The following SLC9A9 variants were observed in gnomAD, a reference collection of about 807,000 sequenced individuals.
The protein encoded by SLC9A9 is solute carrier family 9 member A9.
A neutral mutation model predicts 77.8 loss-of-function variants in SLC9A9; 62 were observed. The ratio of observed to expected loss-of-function variants is 0.80; its 90% CI spans 0.65 to 0.98. The LOEUF is 0.98. Among genes scored for constraint, SLC9A9 ranks in the 50% least tolerant of loss-of-function variants. The pLI is 0.00. For missense variants in SLC9A9, 775 were observed against 774.9 expected (o/e 1.00, Z 0.00); for synonymous variants, 320 against 283.5 (o/e 1.13, Z -1.29).
intron 14 of SLC9A9, chr3:143,313,054 A>T (rs114383461): frequency 1.4e-3 from 208 of 152,388 alleles, no homozygotes; most frequent in Middle Eastern, 6.8e-3. Flanking sequence ...AGTTAAAAAA[A>T]ACTCAACAAA....
At chr3:143,370,939 A>G (rs1042514075) in intron 13 of SLC9A9, among the ~76,000 whole-genome samples, 1 of 152,026 alleles carries the variant, frequency 6.6e-6, no homozygotes, top group Admixed American at 6.5e-5. Flanking sequence ...TGCTGCCTGT[A>G]AGTCATTCTC....
In SLC9A9 at chr3:143,577,281, C is replaced by A. The variant is rs1254364264; in HGVS notation, c.894+1304G>T. On this transcript the variant is annotated intron_variant, in intron 7 of 15. Coordinates refer to ENST00000316549, the MANE Select transcript of SLC9A9 (RefSeq NM_173653.4). ...ATCCTCCATTTCTCACTAGCTGGAGCCCTCTGGTCCTCCCAGGCATGTCTT... is the reference window on the plus strand; with the variant it reads ...ATCCTCCATTTCTCACTAGCTGGAGACCTCTGGTCCTCCCAGGCATGTCTT... Among the ~76,000 whole-genome samples, 7 of 152,266 alleles carry A rather than the reference C, an allele frequency of 4.6e-5. No homozygotes were observed. In the East Asian group the frequency reaches 1.4e-3, roughly 29 times the overall value.
At chr3:143,677,323 T>G (rs1038428086) in intron 5 of SLC9A9, among the ~76,000 whole-genome samples, 1 of 152,236 alleles carries the variant, frequency 6.6e-6, no homozygotes, top group Non-Finnish European at 1.5e-5. Context: ...ATATACATTT[T>G]TGCATTTACT....
chr3:143,542,641 A>G (rs112256333), intron 9 of SLC9A9, among the ~76,000 whole-genome samples: 3,262 of 152,340 alleles, frequency 0.021, 46 homozygotes, highest in South Asian at 0.059. Flanking sequence ...AGATTACCCT[A>G]GACATTTGCC....
chr3:143,800,348 G>A (rs1168771394), intron 2 of SLC9A9, among the ~76,000 whole-genome samples: 1 of 152,070 alleles, frequency 6.6e-6, no homozygotes, highest in Non-Finnish European at 1.5e-5. Context: ...GCCTTTTAAA[G>A]CCTACAAATT....
chr3:143,827,784 T>C (rs376518179), intron 2 of SLC9A9, among the ~76,000 whole-genome samples: 195 of 152,340 alleles, frequency 1.3e-3, no homozygotes, highest in African/African-American at 4.6e-3. Context: ...AAAACCCATT[T>C]TCAAATCATG....
intron 4 of SLC9A9, among the ~76,000 whole-genome samples, chr3:143,715,867 G>A (rs1934330842): frequency 6.6e-6 from 1 of 152,148 alleles, no homozygotes; most frequent in Non-Finnish European, 1.5e-5. Context: ...TGTTTTGTAG[G>A]TCTCATTGTC....
At chr3:143,333,574 G>C (rs1395452266) in intron 14 of SLC9A9, among the ~76,000 whole-genome samples, 3 of 152,304 alleles carry the variant, frequency 2.0e-5, no homozygotes, top group Middle Eastern at 6.8e-3. Context: ...TGACCTGGGG[G>C]ATAGACCACG....
intron 6 of SLC9A9, among the ~76,000 whole-genome samples, chr3:143,621,651 C>A (rs549493963): frequency 1.3e-5 from 2 of 152,144 alleles, no homozygotes; most frequent in Admixed American, 6.5e-5. Flanking sequence ...TAGAGAAAAC[C>A]ACAAAGATGG....
chr3:143,585,127 G>A (rs979280174), intron 6 of SLC9A9, among the ~76,000 whole-genome samples: 2 of 152,158 alleles, frequency 1.3e-5, no homozygotes, highest in Non-Finnish European at 2.9e-5. Context: ...CTTCACAGCT[G>A]CCACAAGATC....
intron 8 of SLC9A9, among the ~76,000 whole-genome samples, chr3:143,561,723 TA>T (rs2037088899): frequency 6.6e-6 from 1 of 152,222 alleles, no homozygotes; most frequent in Non-Finnish European, 1.5e-5. Context: ...TGATGGATAT[TA>T]AAATGCTTTA....
intron 9 of SLC9A9, among the ~76,000 whole-genome samples, chr3:143,525,554 T>G (rs896460423): frequency 2.0e-5 from 3 of 152,214 alleles, no homozygotes; most frequent in African/African-American, 7.2e-5. Context: ...CTTCGCTCCA[T>G]GTGTCTCCTG....
chr3:143,585,442 C>T (rs1382738733), intron 6 of SLC9A9, among the ~76,000 whole-genome samples: 1 of 152,112 alleles, frequency 6.6e-6, no homozygotes, highest in Non-Finnish European at 1.5e-5. Flanking sequence ...ACTTGGAAGC[C>T]CCACTTCCAG....
At chr3:143,634,189 C>T (rs1394111483) in intron 6 of SLC9A9, among the ~76,000 whole-genome samples, 2 of 150,852 alleles carry the variant, frequency 1.3e-5, no homozygotes. Context: ...TTATCTTATG[C>T]TGTCGATGAT....
chr3:143,516,211 C>T (rs1024579651), intron 9 of SLC9A9, among the ~76,000 whole-genome samples: 8 of 151,788 alleles, frequency 5.3e-5, no homozygotes, highest in African/African-American at 1.7e-4. Flanking sequence ...TCCAGTCATG[C>T]TCTTCTCTTA....
chr3:143,456,279 G>A (rs2108560411), intron 12 of SLC9A9, among the ~76,000 whole-genome samples: 1 of 152,136 alleles, frequency 6.6e-6, no homozygotes, highest in East Asian at 1.9e-4. Flanking sequence ...GCCTTTTTAA[G>A]TATTGCTGGA....
chr3:143,333,862 T>C (rs939332896), intron 14 of SLC9A9, among the ~76,000 whole-genome samples: 6 of 152,140 alleles, frequency 3.9e-5, no homozygotes, highest in African/African-American at 7.2e-5. Flanking sequence ...CCTAGAACCT[T>C]GTCTTTCCAG....
intron 14 of SLC9A9, among the ~76,000 whole-genome samples, chr3:143,316,154 A>G (rs1306431897): frequency 1.3e-5 from 2 of 152,082 alleles, no homozygotes; most frequent in Non-Finnish European, 2.9e-5. Flanking sequence ...AGGCAGAAAC[A>G]TTTCCCACAT....
intron 2 of SLC9A9, among the ~76,000 whole-genome samples, chr3:143,824,683 C>A (rs1156697690): frequency 6.6e-6 from 1 of 152,128 alleles, no homozygotes; most frequent in Non-Finnish European, 1.5e-5. Context: ...GTGGCAAGTG[C>A]TCAATAAATA....
Sources: gnomAD v4.1 joint callset for allele counts (sites outside exome capture counted in the v4.1 genomes callset) on GRCh38, gnomAD v4.1.1 for gene constraint, MANE v1.5 for transcripts, NCBI Gene and HGNC (gene_info 2026-07-23, HGNC 2026-07-21) for gene names.